Variants in NAALADL2 observed in about 807,000 individuals in gnomAD.
NAALADL2 encodes the protein inactive N-acetylated-alpha-linked acidic dipeptidase-like protein 2.
NAALADL2 carries 76 observed loss-of-function variants against 87.2 expected under a neutral mutation model. That is an observed-to-expected ratio of 0.87 (90% confidence interval 0.72 to 1.05). The LOEUF (loss-of-function observed/expected upper bound fraction) is 1.05, where lower values mean the gene tolerates loss of function less well. Ranked by LOEUF, NAALADL2 falls within the 50% of genes least tolerant of loss-of-function variation. NAALADL2 has a pLI of 0.00. For synonymous variants in NAALADL2, 354 were observed against 331.0 expected, an observed-to-expected ratio of 1.07 and a Z score of -0.75; for missense variants, 1,089 against 945.8, an observed-to-expected ratio of 1.15 and a Z score of -1.99.
At position 174,701,518 on chromosome 3, in the gene NAALADL2, G is replaced by A. The variant is rs568815710; in HGVS notation, c.-114-36123G>A. ...ATTGTGCAATTTGAGAAGTTTTGAT[G>A]TGTACGTTTGTGAATTCATCATTAC... On this transcript the variant is annotated intron_variant, in intron 2 of 3. Transcript: ENST00000434257. Among the ~76,000 whole-genome samples, 14 of 152,230 alleles carry A rather than the reference G, an allele frequency of 9.2e-5. No homozygotes were observed. In the East Asian group the frequency reaches 2.7e-3, roughly 29 times the overall value.
chr3:174,473,273 A>T (rs1334454196), intron 1 of NAALADL2, among the ~76,000 whole-genome samples: 3 of 152,136 alleles, frequency 2.0e-5, no homozygotes, highest in Non-Finnish European at 4.4e-5. Context: ...TTAAGTTTTG[A>T]AAACCTCTGT....
intron 1 of NAALADL2, among the ~76,000 whole-genome samples, chr3:174,497,328 C>T (rs749029026): frequency 7.2e-5 from 11 of 151,884 alleles, no homozygotes; most frequent in Non-Finnish European, 1.3e-4. Context: ...GAAGATTTTC[C>T]TCTGGAAAAC....
chr3:175,222,151 A>G (rs534815550), intron 2 of NAALADL2, among the ~76,000 whole-genome samples: 24 of 152,304 alleles, frequency 1.6e-4, no homozygotes, highest in African/African-American at 5.8e-4. Context: ...TGTAGGTAAG[A>G]GTTGACCATT....
intron 2 of NAALADL2, among the ~76,000 whole-genome samples, chr3:174,651,280 C>T (rs1367734265): frequency 6.6e-6 from 1 of 152,164 alleles, no homozygotes; most frequent in Non-Finnish European, 1.5e-5. Context: ...ATTTTAGCTT[C>T]ATCTAGGCTA....
At chr3:175,684,122 G>A (rs1274315145) in intron 11 of NAALADL2, among the ~76,000 whole-genome samples, 3 of 151,122 alleles carry the variant, frequency 2.0e-5, no homozygotes, top group Admixed American at 1.3e-4. Context: ...GTGTTAAAGA[G>A]CCAGCAGACT....
At position 175,470,386 on chromosome 3, in the gene NAALADL2, G is replaced by A. The variant is rs894636032; in HGVS notation, c.1534-1253G>A. On this transcript the variant is annotated intron_variant, in intron 8 of 13. Coordinates refer to ENST00000454872, the MANE Select transcript of NAALADL2 (RefSeq NM_207015.3). ...ATCACAAAAAATGTAACATATTTGG[G>A]GTGATGAATATGTTAACCAGCTTAA... Among the ~76,000 whole-genome samples the A allele has an allele frequency of 1.8e-4, 27 of 151,656 alleles. 1 individual carries two copies. Among genetic ancestry groups the A allele is most frequent in the African/African-American group, 5.8e-4 (24 of 41,274 alleles).
chr3:175,201,439 T>C (rs1323051332), intron 2 of NAALADL2, among the ~76,000 whole-genome samples: 1 of 152,222 alleles, frequency 6.6e-6, no homozygotes, highest in Non-Finnish European at 1.5e-5. Context: ...AAAATCATGT[T>C]AAGATTATTT....
At chr3:175,783,768 C>A (rs1168822760) in intron 13 of NAALADL2, among the ~76,000 whole-genome samples, 1 of 150,800 alleles carries the variant, frequency 6.6e-6, no homozygotes, top group Non-Finnish European at 1.5e-5. Flanking sequence ...ACAGGGCATC[C>A]CTGTCTTGTG....
chr3:174,794,593 A>G (rs1717850750), intron 3 of NAALADL2, among the ~76,000 whole-genome samples: 1 of 152,200 alleles, frequency 6.6e-6, no homozygotes, highest in South Asian at 2.1e-4. Flanking sequence ...CCATCAAAGA[A>G]AAGCATTCTC....
At chr3:175,780,231 G>C (rs1443514914) in intron 13 of NAALADL2, among the ~76,000 whole-genome samples, 2 of 151,154 alleles carry the variant, frequency 1.3e-5, no homozygotes, top group African/African-American at 4.9e-5. Context: ...AGCCGAGATC[G>C]CGCCACTGCA....
intron 2 of NAALADL2, among the ~76,000 whole-genome samples, chr3:174,641,152 C>G (rs573252): frequency 0.15 from 22,938 of 152,136 alleles, 1,918 homozygotes; most frequent in South Asian, 0.28. Context: ...GAGCCGCCCC[C>G]TCCTGCTGCC....
intron 3 of NAALADL2, among the ~76,000 whole-genome samples, chr3:174,794,903 T>C (rs1717895920): frequency 6.6e-6 from 1 of 150,926 alleles, no homozygotes; most frequent in African/African-American, 2.4e-5. Context: ...AGTTAAACAA[T>C]GTACTTGCAA....
At chr3:175,397,695 C>A (rs1417647799) in intron 5 of NAALADL2, among the ~76,000 whole-genome samples, 2 of 152,068 alleles carry the variant, frequency 1.3e-5, no homozygotes, top group South Asian at 4.1e-4. Flanking sequence ...GTGGGTACAC[C>A]GTGTTTTATT....
chr3:175,797,167 C>T (rs1247245524), intron 13 of NAALADL2, among the ~76,000 whole-genome samples: 2 of 152,030 alleles, frequency 1.3e-5, no homozygotes, highest in Non-Finnish European at 2.9e-5. Flanking sequence ...ATATATTACA[C>T]TTTCCTTTAG....
In NAALADL2 at chr3:175,471,716, G is replaced by A. The variant is rs975822968; in HGVS notation, c.1611G>A (p.Leu537=). The stretch of plus-strand genomic sequence containing the variant: ...GTCCCATAAGGGGGAACTCTAGTCT[G>A]TATCCTGTAGCATCACCATCTCTTC... ...LHSPIRGNSS[L]YPVASPSLQQ... is the part of the protein sequence containing the mutation. The change falls in exon 9 of 14, where the codon CTG becomes CTA. Residue 537 remains leucine, a synonymous_variant. Coordinates refer to ENST00000454872, the MANE Select transcript of NAALADL2 (RefSeq NM_207015.3). The A allele has an allele frequency of 1.2e-6, 2 of 1,607,148 alleles. No homozygotes were observed. Among genetic ancestry groups the A allele is most frequent in the Admixed American group, 1.7e-5 (1 of 59,372 alleles).
intron 4 of NAALADL2, among the ~76,000 whole-genome samples, chr3:175,267,872 TA>T (rs920881989): frequency 6.6e-6 from 1 of 152,182 alleles, no homozygotes; most frequent in Non-Finnish European, 1.5e-5. Flanking sequence ...TCAAACTTTT[TA>T]AACATTCTAA....
chr3:175,403,672 C>G (rs1473671742), intron 5 of NAALADL2, among the ~76,000 whole-genome samples: 1 of 152,000 alleles, frequency 6.6e-6, no homozygotes, highest in African/African-American at 2.4e-5. Context: ...CTACTCAAAT[C>G]ACAAACTTTG....
chr3:174,944,198 ATGT>A (rs1739052849), intron 1 of NAALADL2, among the ~76,000 whole-genome samples: 1 of 152,074 alleles, frequency 6.6e-6, no homozygotes, highest in Admixed American at 6.5e-5. Flanking sequence ...AGGCATGAAC[ATGT>A]TGTCAGCCTG....
chr3:174,986,061 G>T (rs982675415), intron 1 of NAALADL2, among the ~76,000 whole-genome samples: 1 of 151,938 alleles, frequency 6.6e-6, no homozygotes, highest in African/African-American at 2.4e-5. Context: ...GTCTACATGA[G>T]ATTAATTTAA....
Sources: gnomAD v4.1 joint callset for allele counts (sites outside exome capture counted in the v4.1 genomes callset) on GRCh38, gnomAD v4.1.1 for gene constraint, MANE v1.5 for transcripts, NCBI Gene and HGNC (gene_info 2026-07-23, HGNC 2026-07-21) for gene names.